RORA: variants seen among roughly 807,000 people sequenced by gnomAD.
RORA encodes the protein nuclear receptor ROR-alpha.
Under a neutral mutation model 69.5 loss-of-function variants are expected in RORA, and 7 were observed. The ratio of observed to expected loss-of-function variants is 0.10; its 90% confidence interval spans 0.06 to 0.19. The LOEUF is 0.19. RORA is among the 10% of genes least tolerant of loss of function. The probability of loss-of-function intolerance (pLI) is 1.00; values close to 1 mark genes in which losing one functional copy is unlikely to be tolerated. For synonymous variants in RORA, 261 were observed against 240.8 expected (o/e 1.08, Z -0.78); for missense variants, 457 against 663.0 (o/e 0.69, Z 3.41).
intron 1 of RORA, among the ~76,000 whole-genome samples, chr15:61,059,994 A>AG (rs2078157061): frequency 1.4e-4 from 12 of 87,248 alleles, no homozygotes; most frequent in African/African-American, 5.1e-4. Context: ...AAGAGGAAGA[A>AG]GAAGAAGAAG....
intron 1 of RORA, among the ~76,000 whole-genome samples, chr15:60,711,302 A>C (rs886809221): frequency 1.3e-5 from 2 of 152,176 alleles, no homozygotes; most frequent in Admixed American, 6.5e-5. Flanking sequence ...CCAGGCCTAC[A>C]TATCTTTCTT....
chr15:61,184,817 C>T (rs2079723960), intron 1 of RORA, among the ~76,000 whole-genome samples: 1 of 151,620 alleles, frequency 6.6e-6, no homozygotes, highest in South Asian at 2.1e-4. Context: ...GAGACCCCTA[C>T]AAAAAATAAA....
intron 1 of RORA, among the ~76,000 whole-genome samples, chr15:60,683,397 C>T (rs1438339268): frequency 6.6e-6 from 1 of 152,144 alleles, no homozygotes; most frequent in Non-Finnish European, 1.5e-5. Flanking sequence ...CACATCTTTC[C>T]AAGCAACAGG....
intron 10 of RORA, 64 bp downstream of exon 10, chr15:60,499,828 T>TG: frequency 2.3e-6 from 2 of 864,590 alleles, no homozygotes; most frequent in Non-Finnish European, 3.7e-6. Flanking sequence ...ATGACCATAT[T>TG]GGCAGCATGA....
chr15:60,788,751 C>G (rs1433602966), intron 1 of RORA, among the ~76,000 whole-genome samples: 1 of 152,180 alleles, frequency 6.6e-6, no homozygotes, highest in African/African-American at 2.4e-5. Flanking sequence ...GTACCTCAGC[C>G]ACACCCACGG....
chr15:60,797,576 G>A (rs946060642), intron 1 of RORA, among the ~76,000 whole-genome samples: 2 of 152,160 alleles, frequency 1.3e-5, no homozygotes, highest in African/African-American at 4.8e-5. Flanking sequence ...TTCTGGCAGA[G>A]TTTACAGAAA....
chr15:60,899,641 A>G (rs549749707), intron 1 of RORA, among the ~76,000 whole-genome samples: 1 of 152,292 alleles, frequency 6.6e-6, no homozygotes, highest in Admixed American at 6.5e-5. Flanking sequence ...TCCACCAGGT[A>G]AGGACGTCAG....
At chr15:61,175,541 T>TAAAAAAAAAA (rs75174095) in intron 1 of RORA, among the ~76,000 whole-genome samples, 529 of 120,088 alleles carry the variant, frequency 4.4e-3, no homozygotes, top group Non-Finnish European at 7.4e-3. Flanking sequence ...ATCCTGTTTC[T>TAAAAAAAAAA]AAAAAAAAAA....
At position 61,167,441 on chromosome 15, in the gene RORA, G is replaced by C. The variant is rs187736769; in HGVS notation, c.166+61612C>G. ...GAGATCCTTATCCAGATATTTATAA[G>C]CCTTTAGAACTCTTTAAAGGATGCA... On this transcript the variant is annotated intron_variant, in intron 1 of 10. Coordinates refer to ENST00000335670, the MANE Select transcript of RORA (RefSeq NM_134261.3). 5.5e-3 allele frequency among the ~76,000 whole-genome samples: 809 copies of C among 147,296 alleles called. 11 individuals are homozygous for C. Among genetic ancestry groups the C allele is most frequent in the South Asian group, 0.019 (85 of 4,582 alleles).
At chr15:60,923,452 G>A (rs145837192) in intron 1 of RORA, among the ~76,000 whole-genome samples, 98 of 152,290 alleles carry the variant, frequency 6.4e-4, no homozygotes, top group Non-Finnish European at 1.3e-3. Context: ...AGTGAAAAGA[G>A]GCTGTGACGA....
intron 1 of RORA, among the ~76,000 whole-genome samples, chr15:60,862,103 G>A (rs1190876932): frequency 6.6e-6 from 1 of 152,212 alleles, no homozygotes; most frequent in Admixed American, 6.5e-5. Flanking sequence ...AGGGTGAGAG[G>A]AAATGGGCAC....
In RORA at chr15:61,226,719, G is replaced by A. The variant is rs1052475615; in HGVS notation, c.166+2334C>T. Among the ~76,000 whole-genome samples, 8 of 152,220 alleles carry A rather than the reference G, an allele frequency of 5.3e-5. No individual in the cohort carries two copies. The highest frequency in any genetic ancestry group is 5.2e-4 in the Admixed American group (8 of 15,286). ...ACTACTGCTGTGTTAGCTAAAGGAT[G>A]CCTCCATCTCTGACCTTCCTTTTTC... On this transcript the variant is annotated intron_variant, in intron 1 of 10. Coordinates refer to ENST00000335670, the MANE Select transcript of RORA (RefSeq NM_134261.3). The surrounding 1 kb of genome is among the most constrained non-coding windows in gnomAD (Gnocchi z 4.2).
At chr15:60,977,051 T>G (rs1893892549) in intron 1 of RORA, among the ~76,000 whole-genome samples, 1 of 151,732 alleles carries the variant, frequency 6.6e-6, no homozygotes, top group African/African-American at 2.4e-5. Context: ...AAAAGCGTCT[T>G]GTTTGGGCAA....
At chr15:61,218,946 C>T (rs2080068090) in intron 1 of RORA, among the ~76,000 whole-genome samples, 1 of 152,202 alleles carries the variant, frequency 6.6e-6, no homozygotes, top group Non-Finnish European at 1.5e-5. Context: ...AGACACACAT[C>T]TTTGCTGTGG....
chr15:60,822,261 G>A (rs1194265201), intron 1 of RORA, among the ~76,000 whole-genome samples: 1 of 152,158 alleles, frequency 6.6e-6, no homozygotes, highest in Non-Finnish European at 1.5e-5. Context: ...AAAGGAAGAA[G>A]TTGTAGCCCA....
chr15:60,685,520 A>T (rs1205342066), intron 1 of RORA, among the ~76,000 whole-genome samples: 1 of 152,192 alleles, frequency 6.6e-6, no homozygotes, highest in African/African-American at 2.4e-5. Context: ...CATTCTACAC[A>T]TAGTCAAAAA....
chr15:61,221,809 T>A (rs1160476961), intron 1 of RORA, among the ~76,000 whole-genome samples: 1 of 152,172 alleles, frequency 6.6e-6, no homozygotes, highest in Admixed American at 6.5e-5. Context: ...GTTTATCTAT[T>A]ATGGTCTGTG....
chr15:60,869,054 C>T (rs1437119523), intron 1 of RORA, among the ~76,000 whole-genome samples: 1 of 152,110 alleles, frequency 6.6e-6, no homozygotes, highest in Admixed American at 6.5e-5. Context: ...ATCAGGCACC[C>T]CCCCATTATT....
intron 1 of RORA, among the ~76,000 whole-genome samples, chr15:60,993,737 C>A (rs544243933): frequency 2.6e-5 from 4 of 151,428 alleles, no homozygotes; most frequent in Admixed American, 1.3e-4. Context: ...CTCATTCAAC[C>A]AGTCCAACTC....
Sources: gnomAD v4.1 joint callset for allele counts (sites outside exome capture counted in the v4.1 genomes callset) on GRCh38, gnomAD v4.1.1 for gene constraint, Gnocchi (gnomAD v3.1) non-coding constraint, MANE v1.5 for transcripts, NCBI Gene and HGNC (gene_info 2026-07-23, HGNC 2026-07-21) for gene names.